Variants in KLF12 observed in about 807,000 individuals in gnomAD.
KLF12 encodes the protein KLF transcription factor 12.
In KLF12, 9 loss-of-function variants were observed where a neutral mutation model predicts 37.8. That is an observed-to-expected ratio of 0.24 (90% CI 0.14 to 0.42). The LOEUF is 0.42. Ranked by LOEUF, KLF12 falls within the 10% of genes least tolerant of loss-of-function variation. The pLI is 1.00. For missense variants in KLF12, 411 were observed against 516.0 expected (o/e 0.80, Z 1.97); for synonymous variants, 208 against 202.1 (o/e 1.03, Z -0.25).
At chr13:73,740,057 T>A (rs1301048953) in intron 6 of KLF12, among the ~76,000 whole-genome samples, 1 of 152,170 alleles carries the variant, frequency 6.6e-6, no homozygotes, top group Non-Finnish European at 1.5e-5. Flanking sequence ...ATTTCATACA[T>A]TGAAACTGTC....
the KLF12 span, among the ~76,000 whole-genome samples, chr13:74,221,145 C>CA: frequency 6.6e-6 from 1 of 151,896 alleles, no homozygotes; most frequent in Non-Finnish European, 1.5e-5. Context: ...GCTGGGACTA[C>CA]AAGCACCGCC....
chr13:73,726,226 C>T (rs1341595748), intron 6 of KLF12, among the ~76,000 whole-genome samples: 2 of 152,060 alleles, frequency 1.3e-5, no homozygotes, highest in South Asian at 2.1e-4. Context: ...TAAAGCTGAC[C>T]CAATGTCCAA....
At chr13:74,060,492 G>GTGTGTGTGTC (rs1555336636) in intron 1 of KLF12, among the ~76,000 whole-genome samples, 2 of 103,134 alleles carry the variant, frequency 1.9e-5, no homozygotes, top group Non-Finnish European at 4.6e-5. Context: ...TTTTGTGTGT[G>GTGTGTGTGTC]TGTGTGTGTG....
the KLF12 span, among the ~76,000 whole-genome samples, chr13:74,299,634 A>G: frequency 6.6e-6 from 1 of 152,176 alleles, no homozygotes; most frequent in Non-Finnish European, 1.5e-5. Flanking sequence ...CCTAGCGTTA[A>G]GGGCTAATAA....
the KLF12 span, among the ~76,000 whole-genome samples, chr13:74,267,142 T>C: frequency 6.6e-6 from 1 of 152,192 alleles, no homozygotes; most frequent in East Asian, 1.9e-4. Context: ...CTGTGTTGGA[T>C]TGAATGATGG....
intron 3 of KLF12, among the ~76,000 whole-genome samples, chr13:73,904,204 C>T (rs538385639): frequency 1.3e-4 from 20 of 152,264 alleles, no homozygotes; most frequent in African/African-American, 4.8e-4. Context: ...AAAGGATTTA[C>T]CTGTTAATTA....
intron 5 of KLF12, among the ~76,000 whole-genome samples, chr13:73,770,132 T>A (rs1014279464): frequency 1.3e-5 from 2 of 152,200 alleles, no homozygotes; most frequent in Non-Finnish European, 2.9e-5. Flanking sequence ...TAACCTAAAA[T>A]AACTCCACAA....
At chr13:73,894,046 C>T (rs978764799) in intron 3 of KLF12, among the ~76,000 whole-genome samples, 4 of 152,146 alleles carry the variant, frequency 2.6e-5, no homozygotes, top group South Asian at 2.1e-4. Flanking sequence ...AAAGGCTGCC[C>T]GAGTTAGTGA....
At chr13:74,062,026 T>C (rs1873622990) in intron 1 of KLF12, among the ~76,000 whole-genome samples, 1 of 152,098 alleles carries the variant, frequency 6.6e-6, no homozygotes, top group African/African-American at 2.4e-5. Context: ...GCCAGCAGAG[T>C]CTTCCTCAGT....
chr13:74,228,782 C>T, the KLF12 span, among the ~76,000 whole-genome samples: 2 of 150,680 alleles, frequency 1.3e-5, no homozygotes, highest in Admixed American at 6.6e-5. Flanking sequence ...ATTTGTGTCA[C>T]AGTTTATTTA....
the KLF12 span, among the ~76,000 whole-genome samples, chr13:74,229,220 T>G: frequency 3.2e-3 from 491 of 152,332 alleles, 3 homozygotes; most frequent in African/African-American, 0.011. Context: ...ATGTCACTTT[T>G]GTGTGAAATT....
the KLF12 span, among the ~76,000 whole-genome samples, chr13:74,140,519 C>T: frequency 1.5e-4 from 23 of 152,346 alleles, no homozygotes; most frequent in Non-Finnish European, 2.6e-4. Context: ...TTTACAATTA[C>T]ACTATCATAT....
At chr13:73,726,317 C>T (rs1876669079) in intron 6 of KLF12, among the ~76,000 whole-genome samples, 1 of 152,152 alleles carries the variant, frequency 6.6e-6, no homozygotes, top group African/African-American at 2.4e-5. Flanking sequence ...TGAAGTCATC[C>T]TTATAAAGTG....
intron 6 of KLF12, among the ~76,000 whole-genome samples, chr13:73,723,142 T>A (rs1400055769): frequency 6.6e-6 from 1 of 152,246 alleles, no homozygotes; most frequent in Non-Finnish European, 1.5e-5. Flanking sequence ...CTGTTCTGGT[T>A]GGCTATATTA....
chr13:73,909,641 G>T (rs1482736908), intron 3 of KLF12, among the ~76,000 whole-genome samples: 4 of 152,114 alleles, frequency 2.6e-5, no homozygotes, highest in Non-Finnish European at 4.4e-5. Context: ...AAAGTCAAGG[G>T]AATTTTAATA....
At chr13:73,777,219 C>T (rs548503567) in intron 5 of KLF12, among the ~76,000 whole-genome samples, 5 of 151,962 alleles carry the variant, frequency 3.3e-5, no homozygotes, top group Non-Finnish European at 5.9e-5. Context: ...TGAAGAAAGA[C>T]GTATGTGCAA....
At chr13:74,017,714 T>C (rs1892734546) in intron 1 of KLF12, among the ~76,000 whole-genome samples, 1 of 151,892 alleles carries the variant, frequency 6.6e-6, no homozygotes, top group African/African-American at 2.4e-5. Flanking sequence ...TACACACACA[T>C]CTATACATGT....
intron 3 of KLF12, among the ~76,000 whole-genome samples, chr13:73,880,412 GT>G (rs1271630734): frequency 6.6e-6 from 1 of 152,158 alleles, no homozygotes; most frequent in African/African-American, 2.4e-5. Context: ...GCATGGTAAA[GT>G]GATCACAGGC....
intron 2 of KLF12, among the ~76,000 whole-genome samples, chr13:73,963,453 TA>T (rs1212651160): frequency 6.6e-6 from 1 of 152,150 alleles, no homozygotes; most frequent in African/African-American, 2.4e-5. Flanking sequence ...CTGCCTCAAC[TA>T]ACCTTAACTT....
Sources: allele counts gnomAD v4.1 joint callset (sites outside exome capture counted in the v4.1 genomes callset), GRCh38; gene constraint gnomAD v4.1.1; transcripts MANE v1.5; gene names NCBI Gene and HGNC (gene_info 2026-07-23, HGNC 2026-07-21).